The following NCALD variants were observed in gnomAD, a reference collection of about 807,000 sequenced individuals.
NCALD encodes neurocalcin delta, also known as neurocalcin-delta.
Under a neutral mutation model 18.6 loss-of-function variants are expected in NCALD, and 10 were observed. The observed-to-expected ratio is 0.54, with a 90% confidence interval of 0.33 to 0.91. The LOEUF (loss-of-function observed/expected upper bound fraction) is 0.91. NCALD is among the 40% of genes least tolerant of loss of function. The probability of loss-of-function intolerance (pLI) is 0.03; values close to 1 mark genes in which losing one functional copy is unlikely to be tolerated. For missense variants in NCALD, 184 were observed against 247.6 expected (o/e 0.74, Z 1.72); for synonymous variants, 88 against 87.4 (o/e 1.01, Z -0.04).
intron 1 of NCALD, among the ~76,000 whole-genome samples, chr8:101,788,051 G>A (rs1212167059): frequency 6.6e-6 from 1 of 152,140 alleles, no homozygotes; most frequent in Non-Finnish European, 1.5e-5. Flanking sequence ...ATCTCAAGGA[G>A]GAAAATAAAA....
chr8:101,895,551 T>A (rs1304914049), intron 3 of NCALD, among the ~76,000 whole-genome samples: 1 of 150,186 alleles, frequency 6.7e-6, no homozygotes, highest in African/African-American at 2.5e-5. Context: ...GGGTATTCAA[T>A]TAGGAAAAGA....
chr8:101,779,021 A>C (rs1413729142), intron 1 of NCALD, among the ~76,000 whole-genome samples: 2 of 152,132 alleles, frequency 1.3e-5, no homozygotes, highest in African/African-American at 4.8e-5. Context: ...ATGGCAGCAG[A>C]CTCTGCATCT....
At chr8:101,970,037 TAATG>T (rs1456902326) in intron 2 of NCALD, among the ~76,000 whole-genome samples, 2 of 152,100 alleles carry the variant, frequency 1.3e-5, no homozygotes, top group Non-Finnish European at 2.9e-5. Context: ...CAAATAATAA[TAATG>T]AAGAGAAGGA....
chr8:101,927,933 C>A (rs966043775), intron 2 of NCALD, among the ~76,000 whole-genome samples: 28 of 152,046 alleles, frequency 1.8e-4, no homozygotes, highest in Non-Finnish European at 3.4e-4. Flanking sequence ...TTTTAAAAAA[C>A]CTAAAAATAA....
intron 2 of NCALD, among the ~76,000 whole-genome samples, chr8:101,973,303 C>G (rs949800371): frequency 1.2e-4 from 19 of 152,068 alleles, no homozygotes; most frequent in Admixed American, 9.8e-4. Context: ...CTCAGACTTG[C>G]CTCGCTTTTG....
At chr8:101,744,774 G>T (rs1810357439) in intron 1 of NCALD, among the ~76,000 whole-genome samples, 1 of 151,998 alleles carries the variant, frequency 6.6e-6, no homozygotes, top group Non-Finnish European at 1.5e-5. Context: ...CAGAGAAAAT[G>T]ACACTATGTA....
chr8:101,810,271 C>T (rs747162884), intron 4 of NCALD, among the ~76,000 whole-genome samples: 15 of 152,048 alleles, frequency 9.9e-5, no homozygotes, highest in Non-Finnish European at 1.8e-4. Context: ...CCCTTTATGC[C>T]TTGATTGTAT....
At chr8:101,727,473 C>T (rs1229174050) in intron 1 of NCALD, among the ~76,000 whole-genome samples, 1 of 152,100 alleles carries the variant, frequency 6.6e-6, no homozygotes, top group East Asian at 1.9e-4. Flanking sequence ...AAAATATTTT[C>T]ATTTTTTAGA....
At chr8:101,985,179 G>A (rs1208276099) in intron 2 of NCALD, among the ~76,000 whole-genome samples, 5 of 152,182 alleles carry the variant, frequency 3.3e-5, no homozygotes, top group South Asian at 2.1e-4. Flanking sequence ...AGGGGTGCAC[G>A]TGGACAGAAG....
chr8:101,974,411 C>A lies in NCALD; in HGVS notation c.-157+45826G>T, dbSNP rs1273990423. On this transcript the variant is annotated intron_variant, in intron 2 of 6. Transcript: ENST00000311028. Reference sequence around the variant, plus strand: ...CAGCTAAAAGATTACTGCCCCAAACCCCCTTCTATGTGGAAATTCTGGAGC... The same window carrying A: ...CAGCTAAAAGATTACTGCCCCAAACACCCTTCTATGTGGAAATTCTGGAGC... 3.3e-5 allele frequency among the ~76,000 whole-genome samples: 5 copies of A among 152,086 alleles called. No homozygotes were observed. The East Asian group carries it at 9.6e-4, about 29-fold the overall frequency.
intron 1 of NCALD, among the ~76,000 whole-genome samples, chr8:102,045,598 A>G (rs912178517): frequency 2.0e-5 from 3 of 152,208 alleles, no homozygotes; most frequent in Non-Finnish European, 2.9e-5. Context: ...CAACTAGCCA[A>G]TTGGTACTTG....
rs960835927 is a variant in NCALD, at chr8:102,116,842, T to C, written c.-210+7395A>G. Reference sequence around the variant, plus strand: ...CTTTAACCCCCGGAACCAGTGAATATGACCTTATTTGGAAAAAGGGTCTTT... The same window carrying C: ...CTTTAACCCCCGGAACCAGTGAATACGACCTTATTTGGAAAAAGGGTCTTT... On this transcript the variant is annotated intron_variant, in intron 1 of 6. Coordinates refer to the NCALD transcript ENST00000311028. Among the ~76,000 whole-genome samples the C allele has an allele frequency of 3.9e-4, 59 of 152,262 alleles. 1 individual carries two copies. Among genetic ancestry groups the C allele is most frequent in the African/African-American group, 1.4e-3 (59 of 41,548 alleles).
At chr8:101,742,386 T>C (rs1440252435) in intron 1 of NCALD, among the ~76,000 whole-genome samples, 1 of 152,252 alleles carries the variant, frequency 6.6e-6, no homozygotes, top group Non-Finnish European at 1.5e-5. Context: ...TGAATTATGA[T>C]GTGCAACAAT....
At chr8:101,840,569 T>C (rs1246275720) in intron 4 of NCALD, among the ~76,000 whole-genome samples, 7 of 152,224 alleles carry the variant, frequency 4.6e-5, no homozygotes, top group Non-Finnish European at 7.3e-5. Flanking sequence ...AAGTCTTCTA[T>C]GTCATTTTTA....
intron 1 of NCALD, among the ~76,000 whole-genome samples, chr8:102,060,741 T>A (rs1419080245): frequency 6.6e-6 from 1 of 151,972 alleles, no homozygotes; most frequent in African/African-American, 2.4e-5. Flanking sequence ...GTCATCTGTG[T>A]CCCGAGTACT....
chr8:102,075,197 T>C (rs1367176688), intron 1 of NCALD, among the ~76,000 whole-genome samples: 1 of 152,122 alleles, frequency 6.6e-6, no homozygotes, highest in Non-Finnish European at 1.5e-5. Flanking sequence ...ATATAACAAG[T>C]AGACAACTCA....
intron 3 of NCALD, chr8:101,691,936 C>G: frequency 1.0e-6 from 1 of 985,394 alleles, no homozygotes; most frequent in Non-Finnish European, 1.2e-6. Context: ...AGAGCCGGGC[C>G]CTGAGCTGAG....
intron 4 of NCALD, among the ~76,000 whole-genome samples, chr8:101,879,833 G>A (rs549174134): frequency 6.6e-6 from 1 of 152,244 alleles, no homozygotes; most frequent in South Asian, 2.1e-4. Context: ...GACACAGGCT[G>A]CTGACTGGTG....
chr8:101,951,507 G>C (rs1819420852), intron 2 of NCALD, among the ~76,000 whole-genome samples: 2 of 152,146 alleles, frequency 1.3e-5, no homozygotes, highest in Non-Finnish European at 2.9e-5. Context: ...CAGACTTCCT[G>C]CTCAACTCTG....
Sources: gnomAD v4.1 joint callset for allele counts (sites outside exome capture counted in the v4.1 genomes callset) on GRCh38, gnomAD v4.1.1 for gene constraint, MANE v1.5 for transcripts, NCBI Gene and HGNC (gene_info 2026-07-23, HGNC 2026-07-21) for gene names.